PRDM2: variants seen among roughly 807,000 people sequenced by gnomAD.
The protein encoded by PRDM2 is PR/SET domain 2, also known as PR domain zinc finger protein 2.
A neutral mutation model predicts 130.0 loss-of-function variants in PRDM2; 30 were observed. The ratio of observed to expected loss-of-function variants is 0.23; its 90% CI spans 0.17 to 0.31. The LOEUF (loss-of-function observed/expected upper bound fraction) is 0.31, where lower values mean the gene tolerates loss of function less well. Among genes scored for constraint, PRDM2 ranks in the 10% least tolerant of loss-of-function variants. PRDM2 has a pLI of 1.00. For synonymous variants in PRDM2, 871 were observed against 782.4 expected (o/e 1.11, Z -1.89); for missense variants, 2,011 against 2,108.4 (o/e 0.95, Z 0.90).
At chr1:13,815,833 G>A (rs911646879) in intron 8 of PRDM2, among the ~76,000 whole-genome samples, 5 of 152,162 alleles carry the variant, frequency 3.3e-5, no homozygotes, top group East Asian at 3.9e-4. Flanking sequence ...GGGAAGCCAC[G>A]TCACCCCTGT....
In PRDM2 at chr1:13,734,504, TG is replaced by T. The variant is rs35697238; in HGVS notation, c.231+1625del. On this transcript the variant is annotated intron_variant, in intron 4 of 9. Transcript: ENST00000311066. ...ATCCCATGTAACAACTTGATGTTGT[TG>T]GGCATATTGTATAATTTATTAATAG... Among the ~76,000 whole-genome samples, 481 of 152,348 alleles carry T rather than the reference TG, an allele frequency of 3.2e-3. 2 individuals are homozygous for T. Among genetic ancestry groups the T allele is most frequent in the Middle Eastern group, 6.8e-3 (2 of 294 alleles).
At chr1:13,773,724 AATAATG>A (rs1644408452) in intron 7 of PRDM2, 1 of 152,184 alleles carries the variant, frequency 6.6e-6, no homozygotes. Flanking sequence ...AAAAAATAAA[AATAATG>A]ATAATAAAAT....
intron 2 of PRDM2, among the ~76,000 whole-genome samples, chr1:13,726,594 ACTTT>A (rs1262109516): frequency 1.3e-5 from 2 of 152,172 alleles, no homozygotes; most frequent in African/African-American, 2.4e-5. Flanking sequence ...GCGGGTAGTG[ACTTT>A]CTTTGAGTTT....
intron 1 of PRDM2, among the ~76,000 whole-genome samples, chr1:13,712,938 C>T (rs1399262685): frequency 6.6e-6 from 1 of 152,210 alleles, no homozygotes. Context: ...CGACTCTGCA[C>T]CAGCCACACC....
intron 6 of PRDM2, among the ~76,000 whole-genome samples, chr1:13,765,075 T>G (rs1428332483): frequency 6.6e-6 from 1 of 152,242 alleles, no homozygotes; most frequent in South Asian, 2.1e-4. Flanking sequence ...TTGCCACTGA[T>G]CGCGCCTTGA....
chr1:13,783,035 C>T, intron 8 of PRDM2: 1 of 1,238,200 alleles, frequency 8.1e-7, no homozygotes, highest in East Asian at 2.6e-5. Flanking sequence ...ACTTAGGACT[C>T]ACAAAGCAGT....
chr1:13,749,223 T>C (rs1643718958), intron 5 of PRDM2, 138 bp from the exon 6 acceptor site: 1 of 830,126 alleles, frequency 1.2e-6, no homozygotes, highest in South Asian at 5.3e-5. Flanking sequence ...GAGCCCTTCC[T>C]GCCGGCCGGG....
At chr1:13,775,508 T>C (rs1036427167) in intron 7 of PRDM2, among the ~76,000 whole-genome samples, 2 of 152,208 alleles carry the variant, frequency 1.3e-5, no homozygotes, top group African/African-American at 4.8e-5. Flanking sequence ...GCTCATGGAA[T>C]TTATGAAATT....
In PRDM2 at chr1:13,795,839, A is replaced by G. The variant is rs532406131; in HGVS notation, c.5036+13008A>G. ...TCTAGGGTCAACTTCTCCCCCTTCT[A>G]TTTTCACAGAAGTCTTTCCAAGCCA... On this transcript the variant is annotated intron_variant, in intron 8 of 9. Transcript: ENST00000311066. Among the ~76,000 whole-genome samples, 154 of 152,118 alleles carry G rather than the reference A, an allele frequency of 1.0e-3. 1 individual carries two copies. The highest frequency in any genetic ancestry group is 3.4e-3 in the African/African-American group (142 of 41,488).
At chr1:13,813,250 T>TG (rs1436643333) in intron 8 of PRDM2, among the ~76,000 whole-genome samples, 3 of 152,162 alleles carry the variant, frequency 2.0e-5, no homozygotes, top group Non-Finnish European at 4.4e-5. Context: ...ACACAGCTAG[T>TG]GGGTGGGAAC....
Position 13,816,590 on chromosome 1 carries a change from A to T in PRDM2, c.*23+20A>T, listed in dbSNP as rs199829974. On this transcript the variant is annotated intron_variant, in intron 9 of 9. Transcript: ENST00000311066. ...TGACAGGTACGAGGCAGGATGGAAC[A>T]GCTTCTGGCACTGTTTGGGTGGGTC... 1.3e-4 allele frequency: 210 copies of T among 1,612,964 alleles called. 1 individual carries two copies. In the African/African-American group the frequency reaches 2.5e-3, roughly 19 times the overall value.
intron 8 of PRDM2, among the ~76,000 whole-genome samples, chr1:13,797,115 G>C (rs1644934817): frequency 6.6e-6 from 1 of 152,216 alleles, no homozygotes; most frequent in Non-Finnish European, 1.5e-5. Flanking sequence ...GTTTTAGAGA[G>C]CTGGTCCTTA....
chr1:13,742,555 G>T (rs1643479530), intron 5 of PRDM2, among the ~76,000 whole-genome samples: 1 of 152,192 alleles, frequency 6.6e-6, no homozygotes, highest in Admixed American at 6.5e-5. Context: ...TGACTTTGCA[G>T]ACCTGGGAGG....
At chr1:13,715,312 G>A (rs1231128204) in intron 1 of PRDM2, among the ~76,000 whole-genome samples, 1 of 152,156 alleles carries the variant, frequency 6.6e-6, no homozygotes, top group East Asian at 1.9e-4. Flanking sequence ...TAATGAGTCC[G>A]CTTTCAGTTG....
Position 13,782,044 on chromosome 1 carries a change from C to T in PRDM2, c.4249C>T (p.Leu1417Phe). 1 of 1,613,978 alleles carries T rather than the reference C, an allele frequency of 6.2e-7. No individual in the cohort carries two copies. Among genetic ancestry groups the T allele is most frequent in the Non-Finnish European group, 8.5e-7 (1 of 1,179,998 alleles). ...GCTCAGCAAAATGTCGTCGAATAAGCTCAAATTAAATGCATTGAAGAAAAA... is the reference window on the plus strand; with the variant it reads ...GCTCAGCAAAATGTCGTCGAATAAGTTCAAATTAAATGCATTGAAGAAAAA... ...VELSKMSSNK[L>F]KLNALKKKNQ... is the part of the protein sequence containing the mutation. The change falls in exon 8 of 10, where the codon CTC becomes TTC. Residue 1417 changes from leucine (L) to phenylalanine (F), a missense_variant. Leu to Phe is a conservative substitution (Grantham distance 22). Transcript: ENST00000311066.
intron 2 of PRDM2, among the ~76,000 whole-genome samples, chr1:13,716,691 A>G (rs565510724): frequency 6.6e-6 from 1 of 152,188 alleles, no homozygotes. Context: ...AGAGCCAGTT[A>G]TGTGGATCTA....
intron 8 of PRDM2, among the ~76,000 whole-genome samples, chr1:13,811,142 C>T (rs961707488): frequency 3.3e-5 from 5 of 151,886 alleles, no homozygotes; most frequent in East Asian, 2.0e-4. Context: ...CAAGAAAGCA[C>T]GACTGCACTC....
intron 8 of PRDM2, among the ~76,000 whole-genome samples, chr1:13,811,370 G>T (rs1421275385): frequency 2.6e-5 from 4 of 152,156 alleles, no homozygotes; most frequent in African/African-American, 7.2e-5. Flanking sequence ...GAAGCATCCT[G>T]TGACACTGTG....
At chr1:13,754,825 G>A (rs1489055221) in intron 6 of PRDM2, among the ~76,000 whole-genome samples, 1 of 152,226 alleles carries the variant, frequency 6.6e-6, no homozygotes, top group Admixed American at 6.5e-5. Flanking sequence ...TGCAGGTGCT[G>A]GAGCAGGATG....
Sources: gnomAD v4.1 joint callset for allele counts (sites outside exome capture counted in the v4.1 genomes callset) on GRCh38, gnomAD v4.1.1 for gene constraint, MANE v1.5 for transcripts, NCBI Gene and HGNC (gene_info 2026-07-23, HGNC 2026-07-21) for gene names.